FCHSD2: variants seen among roughly 807,000 people sequenced by gnomAD.
FCHSD2 encodes FCH and double SH3 domains 2.
Under a neutral mutation model 108.1 loss-of-function variants are expected in FCHSD2, and 38 were observed. The observed-to-expected ratio is 0.35, with a 90% CI of 0.27 to 0.46. The LOEUF (loss-of-function observed/expected upper bound fraction) is 0.46, where lower values mean the gene tolerates loss of function less well. Ranked by LOEUF, FCHSD2 falls within the 20% of genes least tolerant of loss-of-function variation. The pLI is 1.00. For synonymous variants in FCHSD2, 279 were observed against 314.7 expected (o/e 0.89, Z 1.20); for missense variants, 751 against 897.8 (o/e 0.84, Z 2.09).
Position 72,908,954 on chromosome 11 carries a change from C to T in FCHSD2, c.829-6316G>A, listed in dbSNP as rs527655535. Among the ~76,000 whole-genome samples the T allele has an allele frequency of 2.6e-5, 4 of 152,232 alleles. No homozygotes were observed. The South Asian group carries it at 8.3e-4, about 32-fold the overall frequency. On this transcript the variant is annotated intron_variant, in intron 9 of 19. Coordinates refer to ENST00000409418, the MANE Select transcript of FCHSD2 (RefSeq NM_014824.3). The stretch of plus-strand genomic sequence containing the variant: ...CAGGTGTGAGCCATTGCATGTTGCC[C>T]TGTCTGCTATTTATATGTCCTTTTT...
intron 8 of FCHSD2, among the ~76,000 whole-genome samples, chr11:72,974,349 CACA>C (rs1857066610): frequency 6.6e-6 from 1 of 152,218 alleles, no homozygotes; most frequent in Non-Finnish European, 1.5e-5. Flanking sequence ...AACTCACTCT[CACA>C]ACAATGGCAA....
At chr11:72,943,529 A>C (rs1199447763) in intron 8 of FCHSD2, among the ~76,000 whole-genome samples, 1 of 152,208 alleles carries the variant, frequency 6.6e-6, no homozygotes, top group Non-Finnish European at 1.5e-5. Context: ...ATTTATTAAT[A>C]GCTTTAATGA....
chr11:72,875,366 C>G (rs1193364165), intron 12 of FCHSD2, among the ~76,000 whole-genome samples: 1 of 152,182 alleles, frequency 6.6e-6, no homozygotes, highest in Non-Finnish European at 1.5e-5. Flanking sequence ...ATCTATCTAG[C>G]TAGCTATTAT....
In FCHSD2 at chr11:72,917,345, T is replaced by A. The variant is rs190655223; in HGVS notation, c.828+4483A>T. On this transcript the variant is annotated intron_variant, in intron 9 of 19. Coordinates refer to ENST00000409418, the MANE Select transcript of FCHSD2 (RefSeq NM_014824.3). ...CCAAAACCTTTTTCTGAAGAGAATA[T>A]TCTTTCTCTATTGAATAGTCATGGC... is the stretch of plus-strand genomic sequence containing the variant. 2.6e-5 allele frequency among the ~76,000 whole-genome samples: 4 copies of A among 152,314 alleles called. No homozygotes were observed. In the East Asian group the frequency reaches 7.7e-4, roughly 29 times the overall value.
At chr11:73,105,107 A>C (rs1293481387) in intron 2 of FCHSD2, among the ~76,000 whole-genome samples, 1 of 152,218 alleles carries the variant, frequency 6.6e-6, no homozygotes, top group East Asian at 1.9e-4. Context: ...AGAATAGGTT[A>C]TTCCCATTCC....
intron 2 of FCHSD2, among the ~76,000 whole-genome samples, chr11:73,083,955 T>G (rs1458124101): frequency 6.6e-6 from 1 of 152,232 alleles, no homozygotes; most frequent in African/African-American, 2.4e-5. Context: ...ACTAGCTGTA[T>G]GACCTTGGCC....
chr11:72,911,103 T>C (rs1027107198), intron 9 of FCHSD2, among the ~76,000 whole-genome samples: 1 of 152,202 alleles, frequency 6.6e-6, no homozygotes, highest in Non-Finnish European at 1.5e-5. Flanking sequence ...TGTTTTCTTT[T>C]AGTAGTTTCA....
At chr11:72,880,867 C>CG (rs1276147825) in intron 12 of FCHSD2, among the ~76,000 whole-genome samples, 2 of 120,390 alleles carry the variant, frequency 1.7e-5, no homozygotes, top group Non-Finnish European at 3.7e-5. Context: ...TACCCTGTCT[C>CG]GAAAAAAAAA....
At chr11:72,897,591 G>A (rs576625989) in intron 10 of FCHSD2, among the ~76,000 whole-genome samples, 6 of 152,242 alleles carry the variant, frequency 3.9e-5, no homozygotes, top group East Asian at 3.9e-4. Flanking sequence ...GAAACCAAGG[G>A]ACAACTGTTG....
chr11:72,912,324 A>AC (rs1305527649), intron 9 of FCHSD2, among the ~76,000 whole-genome samples: 1 of 152,156 alleles, frequency 6.6e-6, no homozygotes. Flanking sequence ...TTCCCTCTAT[A>AC]CCCAGTTTAT....
chr11:72,952,446 T>A (rs1442593414), intron 8 of FCHSD2, among the ~76,000 whole-genome samples: 3 of 151,966 alleles, frequency 2.0e-5, no homozygotes, highest in African/African-American at 7.3e-5. Flanking sequence ...TGCCTCAGCC[T>A]CCTGAGTAGC....
At chr11:72,970,162 G>A (rs561379194) in intron 8 of FCHSD2, among the ~76,000 whole-genome samples, 2 of 152,114 alleles carry the variant, frequency 1.3e-5, no homozygotes, top group Non-Finnish European at 2.9e-5. Flanking sequence ...ACTCACTAAA[G>A]CCACAAATGG....
chr11:73,131,120 G>A (rs890107244), intron 2 of FCHSD2, among the ~76,000 whole-genome samples: 14 of 152,030 alleles, frequency 9.2e-5, no homozygotes, highest in African/African-American at 2.4e-4. Flanking sequence ...GGTGGTTCAC[G>A]CCTGTAATCC....
intron 4 of FCHSD2, among the ~76,000 whole-genome samples, chr11:73,011,886 A>G (rs1303907821): frequency 2.0e-5 from 3 of 152,154 alleles, no homozygotes; most frequent in African/African-American, 7.2e-5. Context: ...TCTAGTCAAC[A>G]TGTGATTATT....
intron 2 of FCHSD2, among the ~76,000 whole-genome samples, chr11:73,133,417 T>C (rs945627301): frequency 3.3e-5 from 5 of 152,104 alleles, no homozygotes; most frequent in African/African-American, 7.2e-5. Flanking sequence ...ATCCATACAA[T>C]GGGGTATTAT....
At chr11:72,969,892 G>T (rs1856977843) in intron 8 of FCHSD2, among the ~76,000 whole-genome samples, 1 of 152,180 alleles carries the variant, frequency 6.6e-6, no homozygotes, top group African/African-American at 2.4e-5. Context: ...AGTGAGACCT[G>T]ACCCTCATTA....
chr11:72,926,121 G>C (rs1163351903), intron 8 of FCHSD2, among the ~76,000 whole-genome samples: 1 of 152,180 alleles, frequency 6.6e-6, no homozygotes, highest in East Asian at 1.9e-4. Flanking sequence ...ATAGCAATGG[G>C]AGGCAGAGTC....
chr11:73,089,736 G>A (rs1859909044), intron 2 of FCHSD2, among the ~76,000 whole-genome samples: 1 of 152,156 alleles, frequency 6.6e-6, no homozygotes, highest in East Asian at 1.9e-4. Flanking sequence ...GAATAAGCAA[G>A]TCCAGAGAGA....
At chr11:73,113,790 CT>C (rs1860546444) in intron 2 of FCHSD2, among the ~76,000 whole-genome samples, 1 of 152,206 alleles carries the variant, frequency 6.6e-6, no homozygotes, top group African/African-American at 2.4e-5. Flanking sequence ...TAAGCCACAT[CT>C]GCATTAGGGG....
Sources: gnomAD v4.1 joint callset for allele counts (sites outside exome capture counted in the v4.1 genomes callset) on GRCh38, gnomAD v4.1.1 for gene constraint, MANE v1.5 for transcripts, NCBI Gene and HGNC (gene_info 2026-07-23, HGNC 2026-07-21) for gene names.